The following COL11A2 variants were observed in gnomAD, a reference collection of about 807,000 sequenced individuals.
COL11A2 encodes collagen alpha-2(XI) chain.
Under a neutral mutation model 273.4 loss-of-function variants are expected in COL11A2, and 116 were observed. The ratio of observed to expected loss-of-function variants is 0.42; its 90% CI spans 0.36 to 0.49. COL11A2 has a LOEUF of 0.49. COL11A2 is among the 20% of genes least tolerant of loss of function. The pLI, the probability that COL11A2 is intolerant of heterozygous loss-of-function variation, is 0.00. For missense variants in COL11A2, 1,866 were observed against 2,309.0 expected (o/e 0.81, Z 3.93); for synonymous variants, 782 against 864.2 (o/e 0.90, Z 1.67).
intron 4 of COL11A2, 109 bp downstream of exon 4, chr6:33,188,253 A>C (rs1440412592): frequency 1.2e-5 from 16 of 1,348,864 alleles, no homozygotes; most frequent in Non-Finnish European, 6.4e-6. Flanking sequence ...TTCATAAGAA[A>C]AAAAAATGAA....
chr6:33,179,847 G>T lies in COL11A2; in HGVS notation c.1360-42C>A. 1 of 1,574,434 alleles carries T rather than the reference G, an allele frequency of 6.4e-7. No individual in the cohort carries two copies. The highest frequency in any genetic ancestry group is 8.7e-7 in the Non-Finnish European group (1 of 1,152,754). The stretch of plus-strand genomic sequence containing the variant: ...AAGGTCCAGGTTCTCTTCCAAGAAA[G>T]CCATGGGACCCTCCCAGCCAGAGGC... On this transcript the variant is annotated intron_variant, in intron 12 of 65. Coordinates refer to ENST00000341947, the MANE Select transcript of COL11A2 (RefSeq NM_080680.3). The surrounding 1 kb of genome is among the most constrained non-coding windows in gnomAD (Gnocchi z 6.4).
At position 33,172,284 on chromosome 6, in the gene COL11A2, C is replaced by T. The variant is rs1770214360; in HGVS notation, c.2988+5G>A. 6.3e-7 allele frequency: 1 copy of T among 1,584,840 alleles called. No homozygotes were observed. Among genetic ancestry groups the T allele is most frequent in the Non-Finnish European group, 8.6e-7 (1 of 1,166,024 alleles). On this transcript the variant is annotated splice_donor_5th_base_variant and intron_variant, in intron 40 of 65. Transcript: ENST00000341947. Reference sequence around the variant, plus strand: ...GACAGGCAGGGGTCTGGGAGTCACACTCACAGCAGTGCCTGGGAGGCCTCT... The same window carrying T: ...GACAGGCAGGGGTCTGGGAGTCACATTCACAGCAGTGCCTGGGAGGCCTCT...
chr6:33,184,328 C>A lies in COL11A2; in HGVS notation c.940-4G>T, dbSNP rs1397179790. On this transcript the variant is annotated splice_polypyrimidine_tract_variant and splice_region_variant and intron_variant, in intron 7 of 65. Transcript: ENST00000341947. ...GGACCTGGAGATCTGTCTGCTCCTT[C>A]CCAGGGATGGGGAGGGAGAGGGGTA... 6.6e-6 allele frequency: 9 copies of A among 1,365,432 alleles called. No homozygotes were observed. Among genetic ancestry groups the A allele is most frequent in the Non-Finnish European group, 8.8e-6 (9 of 1,020,418 alleles). The allele number at this position is 1,365,432 out of a possible 1,614,324, so 84.6% of individuals were successfully genotyped here. A position where few individuals can be genotyped will look rare whatever the true frequency, so the allele number is the denominator to read the frequency against.
In COL11A2 at chr6:33,165,787, C is replaced by G; in HGVS notation, c.4512G>C (p.Leu1504=). 3.1e-6 allele frequency: 5 copies of G among 1,613,446 alleles called. No individual in the cohort carries two copies. The highest frequency in any genetic ancestry group is 1.6e-4 in the Middle Eastern group (1 of 6,062). ...GAGTCTTCTTGGGCATCTGAATGGG[C>G]AGTGGCTGGATCACCTCGCCTGGGG... ...PGPPGEVIQP[L]PIQMPKKTRR... Residue 1504 remains leucine, a synonymous_variant, in exon 63 of 66, where the codon CTG becomes CTC. Transcript: ENST00000341947. The surrounding 1 kb of genome is among the most constrained non-coding windows in gnomAD (Gnocchi z 7.7).
chr6:33,187,239 T>A (rs527760945), intron 4 of COL11A2, among the ~76,000 whole-genome samples: 15 of 152,184 alleles, frequency 9.9e-5, no homozygotes, highest in Non-Finnish European at 2.1e-4. Context: ...GGCCTTCCAA[T>A]GGCAGTGATG....
rs1249829974 is a variant in COL11A2, at chr6:33,186,467, T to G, written c.798+160A>C. ...AAATTCTTCATAACAACTCTTTTTA[T>G]TTTTAGATGAAAATAAAAAGGCTGA... On this transcript the variant is annotated intron_variant, in intron 5 of 65. Transcript: ENST00000341947. The G allele has an allele frequency of 2.0e-6, 3 of 1,464,158 alleles. No individual in the cohort carries two copies. In the African/African-American group the frequency reaches 4.3e-5, roughly 21 times the overall value. The allele number at this position is 1,464,158 out of a possible 1,614,324, so 90.7% of individuals were successfully genotyped here.
chr6:33,177,320 C>T lies in COL11A2; in HGVS notation c.1971+92G>A. ...GCATGAGCAACAAGGGCCTGAAACC[C>T]TTAATTTCCTGTATCCTTCCAGGGT... On this transcript the variant is annotated intron_variant, in intron 23 of 65. Coordinates refer to ENST00000341947, the MANE Select transcript of COL11A2 (RefSeq NM_080680.3). The surrounding 1 kb of genome is among the most constrained non-coding windows in gnomAD (Gnocchi z 5.9). 1.2e-6 allele frequency: 2 copies of T among 1,604,448 alleles called. No homozygotes were observed. Among genetic ancestry groups the T allele is most frequent in the South Asian group, 2.2e-5 (2 of 90,886 alleles).
chr6:33,172,270 G>A lies in COL11A2; in HGVS notation c.2988+19C>T, dbSNP rs1291986584. On this transcript the variant is annotated intron_variant, in intron 40 of 65. Transcript: ENST00000341947. ...TGCTTGGTGCTTGTGACAGGCAGGG[G>A]TCTGGGAGTCACACTCACAGCAGTG... is the stretch of plus-strand genomic sequence containing the variant. The A allele has an allele frequency of 1.3e-6, 2 of 1,582,470 alleles. No individual in the cohort carries two copies. The highest frequency in any genetic ancestry group is 2.3e-5 in the East Asian group (1 of 43,754).
rs775926034 is a variant in COL11A2, at chr6:33,177,748, G to A, written c.1873-42C>T. ...GTGTGAGCAGCCTGAAGGTGGCCCGGAGGGACCTGTGGTTTTCAGAGGCCC... is the reference window on the plus strand; with the variant it reads ...GTGTGAGCAGCCTGAAGGTGGCCCGAAGGGACCTGTGGTTTTCAGAGGCCC... On this transcript the variant is annotated intron_variant, in intron 21 of 65. Coordinates refer to ENST00000341947, the MANE Select transcript of COL11A2 (RefSeq NM_080680.3). This position sits in a 1 kb window ranked among gnomAD's most constrained non-coding sequence, Gnocchi z 5.9. 4.3e-6 allele frequency: 7 copies of A among 1,611,600 alleles called. No individual in the cohort carries two copies. Among genetic ancestry groups the A allele is most frequent in the Non-Finnish European group, 5.9e-6 (7 of 1,179,008 alleles).
Position 33,167,937 on chromosome 6 carries a change from A to C in COL11A2, c.3961-85T>G. On this transcript the variant is annotated intron_variant, in intron 54 of 65. Coordinates refer to ENST00000341947, the MANE Select transcript of COL11A2 (RefSeq NM_080680.3). This position sits in a 1 kb window ranked among gnomAD's most constrained non-coding sequence, Gnocchi z 6.1. ...CCCCCTTCCTGTCCTAGACACACAC[A>C]TACACATGCACACACACACGTGCAT... is the stretch of plus-strand genomic sequence containing the variant. 1 of 1,431,486 alleles carries C rather than the reference A, an allele frequency of 7.0e-7. No individual in the cohort carries two copies. Among genetic ancestry groups the C allele is most frequent in the Non-Finnish European group, 9.8e-7 (1 of 1,024,366 alleles). 88.7% of individuals were successfully genotyped at this position (1,431,486 alleles called of 1,614,324 possible). A position where few individuals can be genotyped will look rare whatever the true frequency, so the allele number is the denominator to read the frequency against.
rs1298151030 is a variant in COL11A2, at chr6:33,176,211, G to C, written c.2214+48C>G. On this transcript the variant is annotated intron_variant, in intron 28 of 65. Coordinates refer to ENST00000341947, the MANE Select transcript of COL11A2 (RefSeq NM_080680.3). The surrounding 1 kb of genome is among the most constrained non-coding windows in gnomAD (Gnocchi z 4.9). ...GGCTGGAGGGAAGGCAGTGAAGAGA[G>C]GAGATGGCAGGACTGAGGTGCTGGG... 6.2e-7 allele frequency: 1 copy of C among 1,608,288 alleles called. No individual in the cohort carries two copies. Among genetic ancestry groups the C allele is most frequent in the African/African-American group, 1.3e-5 (1 of 74,924 alleles).
intron 8 of COL11A2, 74 bp from the exon 9 acceptor site, chr6:33,181,244 C>T: frequency 6.8e-7 from 1 of 1,471,654 alleles, no homozygotes; most frequent in Non-Finnish European, 9.5e-7. Context: ...TCCATCTCAA[C>T]TCCAACCTTG....
chr6:33,175,765 G>T lies in COL11A2; in HGVS notation c.2269-84C>A. 2.9e-6 allele frequency: 4 copies of T among 1,368,132 alleles called. No individual in the cohort carries two copies. In the South Asian group the frequency reaches 3.5e-5, roughly 12 times the overall value. 84.7% of individuals were successfully genotyped at this position (1,368,132 alleles called of 1,614,324 possible). ...AGGAGAAATGGGCAACAGTGAGGCT[G>T]AGGAGGGCTAGAGGGGTCCCAGGAG... On this transcript the variant is annotated intron_variant, in intron 29 of 65. Transcript: ENST00000341947.
upstream of COL11A2, among the ~76,000 whole-genome samples, chr6:33,193,025 C>T (rs371060631): frequency 4.6e-5 from 7 of 152,172 alleles, no homozygotes; most frequent in East Asian, 1.4e-3. Context: ...TGGGACCCAC[C>T]GACAAACACA....
rs1769379530 is a variant in COL11A2 at position 33,167,755 on chromosome 6, G to A, written c.4014+44C>T. The A allele has an allele frequency of 6.2e-7, 1 of 1,609,322 alleles. No homozygotes were observed. Among genetic ancestry groups the A allele is most frequent in the African/African-American group, 1.3e-5 (1 of 74,930 alleles). ...GGAGACGGAGGCATCTGAGGGGTGG[G>A]AGGCGGAGGGGATGCTCCAGCACTA... On this transcript the variant is annotated intron_variant, in intron 55 of 65. Coordinates refer to ENST00000341947, the MANE Select transcript of COL11A2 (RefSeq NM_080680.3). This position sits in a 1 kb window ranked among gnomAD's most constrained non-coding sequence, Gnocchi z 6.1.
chr6:33,182,458 T>A (rs920791511), intron 8 of COL11A2, among the ~76,000 whole-genome samples: 1 of 152,146 alleles, frequency 6.6e-6, no homozygotes, highest in Non-Finnish European at 1.5e-5. Context: ...ACGCCTGTAA[T>A]CCCAGCACTT....
Position 33,192,157 on chromosome 6 carries a change from AC to A in COL11A2, c.82+1del. ...GGACCCAGGCATCAGGACTCCTCTT[AC>A]CTGCCCAGCCTGGGGCCGCGCTCAG... On this transcript the variant is annotated splice_donor_variant, in intron 1 of 65. Transcript: ENST00000341947. LOFTEE classifies it high-confidence loss of function. The A allele has an allele frequency of 6.4e-7, 1 of 1,555,364 alleles. No individual in the cohort carries two copies. The highest frequency in any genetic ancestry group is 8.7e-7 in the Non-Finnish European group (1 of 1,149,340).
At position 33,167,592 on chromosome 6, in the gene COL11A2, G is replaced by A; in HGVS notation, c.4015-59C>T. The A allele has an allele frequency of 1.3e-6, 2 of 1,588,012 alleles. No individual in the cohort carries two copies. Among genetic ancestry groups the A allele is most frequent in the South Asian group, 1.1e-5 (1 of 89,522 alleles). ...CAGAGGAGTGGGGTGTGGGCAGGGG[G>A]CAGAGGGTCCAAGGTGGGAGGCAGG... On this transcript the variant is annotated intron_variant, in intron 55 of 65. Transcript: ENST00000341947. The surrounding 1 kb of genome is among the most constrained non-coding windows in gnomAD (Gnocchi z 6.1).
In COL11A2 at chr6:33,189,339, G is replaced by A. The variant is rs1247600789; in HGVS notation, c.213C>T (p.Pro71=). The A allele has an allele frequency of 6.2e-7, 1 of 1,613,678 alleles. No homozygotes were observed. The highest frequency in any genetic ancestry group is 1.7e-5 in the Admixed American group (1 of 60,028). ...CCATACCTGGGAAAAGCTGGCGAGT[G>A]GGTGCACTGAGCTGGGCAGGTCGTG... The part of the protein sequence containing the change: ...RVARPAQLSA[P]TRQLFPGGFP... The change falls in exon 2 of 66, where the codon CCC becomes CCT. Residue 71 remains proline, a synonymous_variant. Transcript: ENST00000341947. The surrounding 1 kb of genome is among the most constrained non-coding windows in gnomAD (Gnocchi z 5.6).
Sources: gnomAD v4.1 joint callset for allele counts (sites outside exome capture counted in the v4.1 genomes callset) on GRCh38, gnomAD v4.1.1 for gene constraint, Gnocchi (gnomAD v3.1) non-coding constraint, MANE v1.5 for transcripts, NCBI Gene and HGNC (gene_info 2026-07-23, HGNC 2026-07-21) for gene names.